Variants in GRM5 observed in about 807,000 individuals in gnomAD.
GRM5 encodes the protein metabotropic glutamate receptor 5.
A neutral mutation model predicts 83.1 loss-of-function variants in GRM5; 19 were observed. The observed-to-expected ratio is 0.23, with a 90% CI of 0.16 to 0.34. GRM5 has a LOEUF of 0.34. GRM5 is among the 10% of genes least tolerant of loss of function. GRM5 has a pLI of 1.00. For missense variants in GRM5, 1,160 were observed against 1,588.3 expected (o/e 0.73, Z 4.58); for synonymous variants, 675 against 633.6 (o/e 1.07, Z -0.98).
At chr11:88,609,101 G>A (rs920596817) in intron 4 of GRM5, among the ~76,000 whole-genome samples, 1 of 152,116 alleles carries the variant, frequency 6.6e-6, no homozygotes, top group Non-Finnish European at 1.5e-5. Context: ...CCAAGATAGT[G>A]ACCATAGTTC....
At chr11:88,752,205 C>T (rs973586358) in intron 3 of GRM5, among the ~76,000 whole-genome samples, 3 of 152,118 alleles carry the variant, frequency 2.0e-5, no homozygotes, top group African/African-American at 7.2e-5. Context: ...TAGACAACCC[C>T]ATAGTCTCAG....
intron 8 of GRM5, among the ~76,000 whole-genome samples, chr11:88,527,535 T>C (rs1417088414): frequency 2.0e-5 from 3 of 152,146 alleles, no homozygotes; most frequent in African/African-American, 4.8e-5. Flanking sequence ...AGCTTGGCAA[T>C]TTCTCAAAGA....
At chr11:89,036,676 CCCAAA>C (rs1480067905) in intron 2 of GRM5, among the ~76,000 whole-genome samples, 1 of 28,684 alleles carries the variant, frequency 3.5e-5, no homozygotes, top group African/African-American at 1.6e-4. Flanking sequence ...TCAAATTTGC[CCCAAA>C]GTCCCTCAAC....
chr11:88,983,726 A>T (rs1354010730), intron 2 of GRM5, among the ~76,000 whole-genome samples: 2 of 151,936 alleles, frequency 1.3e-5, no homozygotes, highest in Non-Finnish European at 2.9e-5. Flanking sequence ...CTTGTGAAAA[A>T]AGTTACCTGT....
At chr11:88,747,431 G>A (rs1247945895) in intron 3 of GRM5, among the ~76,000 whole-genome samples, 1 of 152,142 alleles carries the variant, frequency 6.6e-6, no homozygotes, top group African/African-American at 2.4e-5. Context: ...TTATGTTCCT[G>A]TTAAACTACC....
In GRM5 at chr11:88,921,118, G is replaced by A. The variant is rs1266301313; in HGVS notation, c.662-70963C>T. 2.6e-5 allele frequency among the ~76,000 whole-genome samples: 4 copies of A among 151,342 alleles called. 1 individual carries two copies. The South Asian group carries it at 8.4e-4, about 32-fold the overall frequency. ...GTGAAATCTCACTGTGTTAAAAATA[G>A]TGTGATTAAAAACAATATTGTTAAA... On this transcript the variant is annotated intron_variant, in intron 2 of 9. Coordinates refer to ENST00000305447, the MANE Select transcript of GRM5 (RefSeq NM_001143831.3).
intron 3 of GRM5, among the ~76,000 whole-genome samples, chr11:88,839,790 T>C (rs1590901358): frequency 6.6e-6 from 1 of 152,236 alleles, no homozygotes; most frequent in East Asian, 1.9e-4. Context: ...ACTAATGGCC[T>C]ACTGTTGACC....
chr11:88,672,185 A>G (rs1940213017), intron 3 of GRM5, among the ~76,000 whole-genome samples: 2 of 152,040 alleles, frequency 1.3e-5, no homozygotes, highest in South Asian at 4.1e-4. Context: ...ACATTAAGTT[A>G]TATTATCCAT....
intron 2 of GRM5, among the ~76,000 whole-genome samples, chr11:88,989,008 C>A (rs1939857770): frequency 6.7e-6 from 1 of 150,352 alleles, no homozygotes; most frequent in Non-Finnish European, 1.5e-5. Context: ...TCACACATAA[C>A]AATATTAACT....
At chr11:88,891,086 C>T (rs1332080988) in intron 2 of GRM5, among the ~76,000 whole-genome samples, 2 of 152,044 alleles carry the variant, frequency 1.3e-5, no homozygotes, top group Non-Finnish European at 2.9e-5. Flanking sequence ...TCTTAAGCCA[C>T]TAATCTGCCC....
intron 3 of GRM5, among the ~76,000 whole-genome samples, chr11:88,830,928 G>A (rs11021505): frequency 0.025 from 3,864 of 152,118 alleles, 171 homozygotes; most frequent in African/African-American, 0.089. Context: ...GTGCAGGAAA[G>A]CTCCCCATTA....
chr11:88,888,432 T>G (rs868698026), intron 2 of GRM5, among the ~76,000 whole-genome samples: 1 of 152,142 alleles, frequency 6.6e-6, no homozygotes, highest in African/African-American at 2.4e-5. Context: ...AGGCAATACC[T>G]CTTGAAACCC....
chr11:89,002,376 G>T (rs1940408927), intron 2 of GRM5, among the ~76,000 whole-genome samples: 1 of 152,088 alleles, frequency 6.6e-6, no homozygotes, highest in Admixed American at 6.6e-5. Flanking sequence ...TAGATAAAGT[G>T]CACAGAAGAA....
intron 3 of GRM5, among the ~76,000 whole-genome samples, chr11:88,753,966 A>G (rs1339300118): frequency 6.6e-6 from 1 of 152,100 alleles, no homozygotes; most frequent in African/African-American, 2.4e-5. Flanking sequence ...CAGCACGGGA[A>G]AGACCTGCCC....
intron 6 of GRM5, 127 bp from the exon 7 acceptor site, chr11:88,590,854 T>C: frequency 1.8e-6 from 1 of 550,272 alleles, no homozygotes; most frequent in Non-Finnish European, 3.2e-6. Flanking sequence ...TGTTTTCAGA[T>C]AAGCAGTACA....
intron 7 of GRM5, among the ~76,000 whole-genome samples, chr11:88,571,706 A>C (rs1943005506): frequency 6.6e-6 from 1 of 152,160 alleles, no homozygotes; most frequent in African/African-American, 2.4e-5. Flanking sequence ...CCAAATTCTT[A>C]CCCATCGTGC....
At chr11:88,897,581 T>C (rs1037003991) in intron 2 of GRM5, among the ~76,000 whole-genome samples, 1 of 151,776 alleles carries the variant, frequency 6.6e-6, no homozygotes, top group Non-Finnish European at 1.5e-5. Context: ...TGAGGGACAT[T>C]TGGTAATTGG....
intron 3 of GRM5, among the ~76,000 whole-genome samples, chr11:88,763,691 A>T (rs1189836624): frequency 6.6e-6 from 1 of 151,828 alleles, no homozygotes; most frequent in Admixed American, 6.6e-5. Flanking sequence ...TTCAAATTAC[A>T]GTGTTAAAAG....
intron 4 of GRM5, among the ~76,000 whole-genome samples, chr11:88,646,370 G>C (rs1230304334): frequency 7.5e-5 from 5 of 66,838 alleles, no homozygotes; most frequent in Non-Finnish European, 3.9e-4. Flanking sequence ...TGCCATTTAA[G>C]TAAAACATAC....
Sources: allele counts gnomAD v4.1 joint callset (sites outside exome capture counted in the v4.1 genomes callset), GRCh38; gene constraint gnomAD v4.1.1; transcripts MANE v1.5; gene names NCBI Gene and HGNC (gene_info 2026-07-23, HGNC 2026-07-21).